Variants in ITFG1 observed in about 807,000 individuals in gnomAD.
ITFG1 encodes integrin alpha FG-GAP repeat containing 1, also known as T-cell immunomodulatory protein.
In ITFG1, 34 loss-of-function variants were observed where a neutral mutation model predicts 81.8. That is an observed-to-expected ratio of 0.42 (90% CI 0.32 to 0.55). The LOEUF (loss-of-function observed/expected upper bound fraction) is 0.55, where lower values mean the gene tolerates loss of function less well. Ranked by LOEUF, ITFG1 falls within the 20% of genes least tolerant of loss-of-function variation. The pLI is 0.17. For synonymous variants in ITFG1, 285 were observed against 270.6 expected (o/e 1.05, Z -0.52); for missense variants, 672 against 755.4 (o/e 0.89, Z 1.29).
chr16:47,337,337 C>T (rs551598990), intron 8 of ITFG1, among the ~76,000 whole-genome samples: 13 of 151,824 alleles, frequency 8.6e-5, no homozygotes, highest in East Asian at 3.9e-4. Flanking sequence ...TTTGGGAGGC[C>T]GAGGCAGGCA....
chr16:47,356,480 A>G (rs1968041538), intron 8 of ITFG1, among the ~76,000 whole-genome samples: 2 of 152,350 alleles, frequency 1.3e-5, no homozygotes, highest in African/African-American at 4.8e-5. Context: ...TGTGTGTAAC[A>G]AGGACTAAAA....
chr16:47,341,054 C>T (rs1055365608), intron 8 of ITFG1, among the ~76,000 whole-genome samples: 2 of 151,838 alleles, frequency 1.3e-5, no homozygotes, highest in Non-Finnish European at 2.9e-5. Flanking sequence ...AGAAAATTCA[C>T]GAATACATGA....
intron 10 of ITFG1, among the ~76,000 whole-genome samples, chr16:47,302,008 C>T (rs986411118): frequency 2.6e-5 from 4 of 151,540 alleles, no homozygotes; most frequent in Non-Finnish European, 4.4e-5. Context: ...ATAGATGTGA[C>T]CTTGTCTAGT....
At position 47,215,836 on chromosome 16, in the gene ITFG1, A is replaced by G. The variant is rs546933214; in HGVS notation, c.1453+3032T>C. 1.7e-3 allele frequency among the ~76,000 whole-genome samples: 263 copies of G among 152,242 alleles called. 1 individual carries two copies. Among genetic ancestry groups the G allele is most frequent in the African/African-American group, 5.9e-3 (244 of 41,554 alleles). On this transcript the variant is annotated intron_variant, in intron 14 of 17. Transcript: ENST00000320640. ...CATTTAGATTTTTTTCAAGTTTGTGAGGGCTTTTTATTTTTGTTTTCAGTG... is the reference window on the plus strand; with the variant it reads ...CATTTAGATTTTTTTCAAGTTTGTGGGGGCTTTTTATTTTTGTTTTCAGTG...
At chr16:47,446,693 C>T (rs1202706980) in intron 5 of ITFG1, among the ~76,000 whole-genome samples, 2 of 152,044 alleles carry the variant, frequency 1.3e-5, no homozygotes, top group Non-Finnish European at 2.9e-5. Context: ...AAGGCATTTT[C>T]AACAGTGTAT....
At chr16:47,267,084 G>C (rs1374276869) in intron 10 of ITFG1, among the ~76,000 whole-genome samples, 1 of 152,104 alleles carries the variant, frequency 6.6e-6, no homozygotes, top group African/African-American at 2.4e-5. Context: ...TTCATTCGGG[G>C]TTAATGAAAA....
At chr16:47,200,303 A>G (rs1182499145) in intron 14 of ITFG1, among the ~76,000 whole-genome samples, 1 of 152,230 alleles carries the variant, frequency 6.6e-6, no homozygotes, top group Admixed American at 6.5e-5. Context: ...ACCACACAAA[A>G]AGTTAAAATG....
intron 7 of ITFG1, among the ~76,000 whole-genome samples, chr16:47,368,063 T>C (rs1968200067): frequency 6.6e-6 from 1 of 151,026 alleles, no homozygotes; most frequent in Admixed American, 6.6e-5. Context: ...TGAAACCCCG[T>C]CTCTACTAAA....
chr16:47,428,405 C>T (rs2151609411), intron 6 of ITFG1, among the ~76,000 whole-genome samples: 1 of 152,092 alleles, frequency 6.6e-6, no homozygotes, highest in Non-Finnish European at 1.5e-5. Flanking sequence ...TAAAATTTTC[C>T]ATGATAACAA....
At chr16:47,186,972 C>G (rs1965226585) in intron 14 of ITFG1, among the ~76,000 whole-genome samples, 2 of 152,098 alleles carry the variant, frequency 1.3e-5, no homozygotes, top group East Asian at 3.8e-4. Flanking sequence ...CAGTAACAGA[C>G]AAACAGAGAG....
chr16:47,295,451 T>C (rs1276359840), intron 10 of ITFG1, among the ~76,000 whole-genome samples: 2 of 152,138 alleles, frequency 1.3e-5, no homozygotes, highest in Non-Finnish European at 2.9e-5. Flanking sequence ...AGCTCTTTTG[T>C]TGTTGTTTTG....
intron 6 of ITFG1, among the ~76,000 whole-genome samples, chr16:47,386,347 C>A (rs1045495803): frequency 6.6e-6 from 1 of 152,208 alleles, no homozygotes; most frequent in Non-Finnish European, 1.5e-5. Flanking sequence ...GTGAAGGAAA[C>A]TCTGCTTCAG....
At chr16:47,179,931 CACTG>C (rs756990258) in intron 14 of ITFG1, among the ~76,000 whole-genome samples, 14 of 152,168 alleles carry the variant, frequency 9.2e-5, no homozygotes, top group Non-Finnish European at 1.9e-4. Flanking sequence ...TAAAGGAATC[CACTG>C]ACTGACTGTT....
chr16:47,300,358 T>A (rs1448963033), intron 10 of ITFG1, among the ~76,000 whole-genome samples: 2 of 152,228 alleles, frequency 1.3e-5, no homozygotes, highest in African/African-American at 4.8e-5. Context: ...ATGCTTCTAG[T>A]CAGCCATCCC....
intron 8 of ITFG1, among the ~76,000 whole-genome samples, chr16:47,324,150 C>A (rs890604642): frequency 3.3e-5 from 5 of 151,998 alleles, no homozygotes; most frequent in African/African-American, 1.2e-4. Flanking sequence ...CTTTAAAAAT[C>A]TACAAGCCAG....
At chr16:47,389,220 T>C (rs911337398) in intron 6 of ITFG1, among the ~76,000 whole-genome samples, 2 of 152,182 alleles carry the variant, frequency 1.3e-5, no homozygotes, top group Non-Finnish European at 2.9e-5. Context: ...TGACCCCTGA[T>C]AGTAATTCAA....
At chr16:47,273,725 G>T (rs1966367483) in intron 10 of ITFG1, among the ~76,000 whole-genome samples, 1 of 152,108 alleles carries the variant, frequency 6.6e-6, no homozygotes, top group African/African-American at 2.4e-5. Flanking sequence ...TGTCAAATAG[G>T]TGAGTAGAAA....
At chr16:47,458,400 AC>A (rs111906433) in intron 2 of ITFG1, among the ~76,000 whole-genome samples, 59 of 152,274 alleles carry the variant, frequency 3.9e-4, no homozygotes, top group African/African-American at 1.3e-3. Flanking sequence ...TTTTATTTAT[AC>A]TAAGGTCAAG....
At chr16:47,263,908 G>A (rs1966242920) in intron 10 of ITFG1, among the ~76,000 whole-genome samples, 1 of 152,076 alleles carries the variant, frequency 6.6e-6, no homozygotes, top group South Asian at 2.1e-4. Flanking sequence ...ATTCTACAGA[G>A]CTCTACAAGT....
Sources: allele counts gnomAD v4.1 joint callset (sites outside exome capture counted in the v4.1 genomes callset), GRCh38; gene constraint gnomAD v4.1.1; transcripts MANE v1.5; gene names NCBI Gene and HGNC (gene_info 2026-07-23, HGNC 2026-07-21).